Variants in ABCF1 observed in about 807,000 individuals in gnomAD.
ABCF1 encodes the protein ATP-binding cassette sub-family F member 1.
A neutral mutation model predicts 126.3 loss-of-function variants in ABCF1; 73 were observed. That is an observed-to-expected ratio of 0.58 (90% CI 0.48 to 0.70). The LOEUF (loss-of-function observed/expected upper bound fraction) is 0.70. Among genes scored for constraint, ABCF1 ranks in the 30% least tolerant of loss-of-function variants. ABCF1 has a pLI of 0.00. For missense variants in ABCF1, 786 were observed against 1,057.5 expected (o/e 0.74, Z 3.56); for synonymous variants, 345 against 396.4 (o/e 0.87, Z 1.54).
rs1214769871 is a variant in ABCF1 at position 30,584,522 on chromosome 6, A to G, written c.1347A>G (p.Thr449=). The change falls in exon 14 of 25, where the codon ACA becomes ACG. Residue 449 remains threonine (T), a synonymous_variant. Transcript: ENST00000326195. This position sits in a 1 kb window ranked among gnomAD's most constrained non-coding sequence, Gnocchi z 4.6. ...ACCCTGAAATGCAGAATCGACCCAC[A>G]CAGAAGTTCTCAGGGGGCTGGCGCA... The part of the protein sequence containing the change: ...GFDPEMQNRP[T]QKFSGGWRMR... 1 of 1,612,264 alleles carries G rather than the reference A, an allele frequency of 6.2e-7. No homozygotes were observed. The highest frequency in any genetic ancestry group is 1.3e-5 in the African/African-American group (1 of 75,016).
chr6:30,589,628 A>C, intron 20 of ABCF1, 60 bp from the exon 21 acceptor site: 1 of 1,479,358 alleles, frequency 6.8e-7, no homozygotes, highest in Admixed American at 1.9e-5. Context: ...AAGTTGATGT[A>C]TGGAGCTGCA....
Position 30,586,933 on chromosome 6 carries a change from G to A in ABCF1, c.2031+222G>A, listed in dbSNP as rs968071846. Reference sequence around the variant, plus strand: ...AGATAGAACTAGGGGGCACACCCACGTGTTTTGGTTATACAAGAAATATAT... The same window carrying A: ...AGATAGAACTAGGGGGCACACCCACATGTTTTGGTTATACAAGAAATATAT... On this transcript the variant is annotated intron_variant, in intron 20 of 24. Coordinates refer to ENST00000326195, the MANE Select transcript of ABCF1 (RefSeq NM_001025091.2). The surrounding 1 kb of genome is among the most constrained non-coding windows in gnomAD (Gnocchi z 4.9). Among the ~76,000 whole-genome samples the A allele has an allele frequency of 2.0e-5, 3 of 152,126 alleles. No homozygotes were observed. The highest frequency in any genetic ancestry group is 3.9e-4 in the East Asian group (2 of 5,192).
rs1485622771 is a variant in ABCF1, at chr6:30,573,442, TAA to T, written c.73+1884_73+1885del. On this transcript the variant is annotated intron_variant, in intron 1 of 24. Coordinates refer to ENST00000326195, the MANE Select transcript of ABCF1 (RefSeq NM_001025091.2). ...TGTGGAGAGACAACTATACTAGGAG[TAA>T]AGACACAGGCAAGTAGAGTTGAAGT... Among the ~76,000 whole-genome samples, 11 of 151,932 alleles carry T rather than the reference TAA, an allele frequency of 7.2e-5. No homozygotes were observed. In the South Asian group the frequency reaches 2.3e-3, roughly 32 times the overall value.
Position 30,585,353 on chromosome 6 carries a change from G to A in ABCF1, c.1475+10G>A, listed in dbSNP as rs138643535. The A allele has an allele frequency of 8.7e-6, 14 of 1,612,174 alleles. No individual in the cohort carries two copies. In the African/African-American group the frequency reaches 1.3e-4, roughly 15 times the overall value. ...TCATCTGGCTTAATAAGTGCGTTAC[G>A]GCCTTTGCATCATTGGTTCCCATTC... On this transcript the variant is annotated intron_variant, in intron 15 of 24. Transcript: ENST00000326195.
At chr6:30,576,958 CT>C (rs1801532686) in intron 1 of ABCF1, among the ~76,000 whole-genome samples, 1 of 152,322 alleles carries the variant, frequency 6.6e-6, no homozygotes, top group Admixed American at 6.5e-5. Context: ...ACTTCTCATA[CT>C]CCTCATTACT....
Position 30,585,655 on chromosome 6 carries a change from C to A in ABCF1, c.1573C>A (p.Arg525=). 13 of 1,613,000 alleles carry A rather than the reference C, an allele frequency of 8.1e-6. No homozygotes were observed. Among genetic ancestry groups the A allele is most frequent in the Non-Finnish European group, 1.1e-5 (13 of 1,180,018 alleles). The change falls in exon 16 of 25, where the codon CGG becomes AGG. Residue 525 remains arginine (R), a synonymous_variant. Transcript: ENST00000326195. ...CTDIIHLDAQ[R]LHYYRGNYMT... Reference sequence around the variant, plus strand: ...TGATATCATCCACCTCGATGCCCAGCGGCTCCACTACTATAGGGGCAATTA... The same window carrying A: ...TGATATCATCCACCTCGATGCCCAGAGGCTCCACTACTATAGGGGCAATTA...
intron 20 of ABCF1, among the ~76,000 whole-genome samples, chr6:30,588,561 G>A (rs941552913): frequency 1.3e-5 from 2 of 151,826 alleles, no homozygotes; most frequent in Admixed American, 6.6e-5. Flanking sequence ...TGGTTTCACC[G>A]TGTTAGCCAG....
chr6:30,586,818 G>C lies in ABCF1; in HGVS notation c.2031+107G>C. The C allele has an allele frequency of 1.6e-6, 2 of 1,219,228 alleles. No individual in the cohort carries two copies. Among genetic ancestry groups the C allele is most frequent in the Non-Finnish European group, 2.4e-6 (2 of 849,292 alleles). The allele number at this position is 1,219,228 out of a possible 1,614,324, so 75.5% of individuals were successfully genotyped here. On this transcript the variant is annotated intron_variant, in intron 20 of 24. Coordinates refer to ENST00000326195, the MANE Select transcript of ABCF1 (RefSeq NM_001025091.2). The surrounding 1 kb of genome is among the most constrained non-coding windows in gnomAD (Gnocchi z 4.9). Reference sequence around the variant, plus strand: ...TCTCGAGAATGTAGAGTTAAATACAGAACTCATGATAGATGATTCATTTCC... The same window carrying C: ...TCTCGAGAATGTAGAGTTAAATACACAACTCATGATAGATGATTCATTTCC...
Position 30,580,000 on chromosome 6 carries a change from G to A in ABCF1, c.559G>A (p.Ala187Thr). 1 of 1,612,580 alleles carries A rather than the reference G, an allele frequency of 6.2e-7. No homozygotes were observed. Among genetic ancestry groups the A allele is most frequent in the Non-Finnish European group, 8.5e-7 (1 of 1,179,800 alleles). The change falls in exon 7 of 25, where the codon GCT (alanine) becomes ACT (threonine). Residue 187 changes from alanine (A) to threonine (T), a missense_variant. Coordinates refer to ENST00000326195, the MANE Select transcript of ABCF1 (RefSeq NM_001025091.2). Reference sequence around the variant, plus strand: ...AAAGGAAGAGAAGTCAAAAGGGAAGGCTAAGGTGAGAGAGTAACTAGCAGG... The same window carrying A: ...AAAGGAAGAGAAGTCAAAAGGGAAGACTAAGGTGAGAGAGTAACTAGCAGG... ...KGKEEKSKGK[A>T]KPQNKFAALD... is the part of the protein sequence containing the mutation.
In ABCF1 at chr6:30,583,204, G is replaced by A. The variant is rs1421197024; in HGVS notation, c.915+16G>A. 6.3e-7 allele frequency: 1 copy of A among 1,593,806 alleles called. No homozygotes were observed. The highest frequency in any genetic ancestry group is 1.1e-5 in the South Asian group (1 of 90,312). ...TGACATCAAGGTAAGGTCTCAAGGG[G>A]CCCCTTCCAGTCCACTTACCTAGGG... On this transcript the variant is annotated intron_variant, in intron 10 of 24. Coordinates refer to ENST00000326195, the MANE Select transcript of ABCF1 (RefSeq NM_001025091.2). The surrounding 1 kb of genome is among the most constrained non-coding windows in gnomAD (Gnocchi z 4.1).
rs3132611 is a variant in ABCF1, at chr6:30,574,075, G to A, written c.73+2515G>A. 0.94 allele frequency among the ~76,000 whole-genome samples: 143,522 copies of A among 152,260 alleles called. 67,758 individuals carry two copies. The highest frequency in any genetic ancestry group is 1 in the East Asian group (5,170 of 5,188). On this transcript the variant is annotated intron_variant, in intron 1 of 24. Coordinates refer to ENST00000326195, the MANE Select transcript of ABCF1 (RefSeq NM_001025091.2). The surrounding 1 kb of genome is among the most constrained non-coding windows in gnomAD (Gnocchi z 4.3). ...ATACTTTCTCACAATGAAACTCTTC[G>A]GAGGCTTTTCCTGTCCCTATAATGA...
At position 30,584,616 on chromosome 6, in the gene ABCF1, C is replaced by T. The variant is rs1802014938; in HGVS notation, c.1391+50C>T. 13 of 1,531,582 alleles carry T rather than the reference C, an allele frequency of 8.5e-6. No individual in the cohort carries two copies. Among genetic ancestry groups the T allele is most frequent in the Non-Finnish European group, 8.7e-6 (10 of 1,145,294 alleles). 94.9% of individuals were successfully genotyped at this position (1,531,582 alleles called of 1,614,324 possible). A position where few individuals can be genotyped will look rare whatever the true frequency, so the allele number is the denominator to read the frequency against. On this transcript the variant is annotated intron_variant, in intron 14 of 24. Transcript: ENST00000326195. This position sits in a 1 kb window ranked among gnomAD's most constrained non-coding sequence, Gnocchi z 4.6. ...CCCTTCCAGCCTCAGACCACCGGGG[C>T]CCTTTTCCTCTTTCCCTTCTCATTC...
At chr6:30,590,440 C>T in intron 24 of ABCF1, 62 bp downstream of exon 24, 1 of 1,576,642 alleles carries the variant, frequency 6.3e-7, no homozygotes, top group Non-Finnish European at 8.6e-7. Flanking sequence ...TAGTGTCCTT[C>T]ACTACAGAAG....
Position 30,578,184 on chromosome 6 carries a change from AG to A in ABCF1, c.326del (p.Ser109MetfsTer27). 1 of 1,613,938 alleles carries A rather than the reference AG, an allele frequency of 6.2e-7. No individual in the cohort carries two copies. Among genetic ancestry groups the A allele is most frequent in the South Asian group, 1.1e-5 (1 of 91,072 alleles). On this transcript the variant is annotated frameshift_variant, in exon 4 of 25. Transcript: ENST00000326195. LOFTEE classifies it high-confidence loss of function. ...ERLKKLSVPT[S>X]DEEDEVPAPK... ...TCTTAAGAAGCTCTCAGTGCCAACC[AG>A]TGATGAGGAGGATGAAGGTAAATGA...
chr6:30,586,009 T>C lies in ABCF1; in HGVS notation c.1713+18T>C. 6.2e-7 allele frequency: 1 copy of C among 1,601,708 alleles called. No homozygotes were observed. The highest frequency in any genetic ancestry group is 8.5e-7 in the Non-Finnish European group (1 of 1,173,578). On this transcript the variant is annotated intron_variant, in intron 17 of 24. Transcript: ENST00000326195. This position sits in a 1 kb window ranked among gnomAD's most constrained non-coding sequence, Gnocchi z 4.9. ...AGCAGGCGGTGAGCACCTGAGGGACTTCTGGGCTGGGGGCCACTGTTCTCT... is the reference window on the plus strand; with the variant it reads ...AGCAGGCGGTGAGCACCTGAGGGACCTCTGGGCTGGGGGCCACTGTTCTCT...
chr6:30,589,599 TC>T, intron 20 of ABCF1, 88 bp from the exon 21 acceptor site: 1 of 1,360,882 alleles, frequency 7.3e-7, no homozygotes, highest in Non-Finnish European at 1.0e-6. Flanking sequence ...CGAGACTCCG[TC>T]TCAAAAAAAA....
Position 30,574,094 on chromosome 6 carries a change from A to G in ABCF1, c.73+2534A>G, listed in dbSNP as rs900436595. On this transcript the variant is annotated intron_variant, in intron 1 of 24. Coordinates refer to ENST00000326195, the MANE Select transcript of ABCF1 (RefSeq NM_001025091.2). The surrounding 1 kb of genome is among the most constrained non-coding windows in gnomAD (Gnocchi z 4.3). ...CTCTTCGGAGGCTTTTCCTGTCCCT[A>G]TAATGAAGTGGATAAGAGTGATTAA... 1.3e-5 allele frequency among the ~76,000 whole-genome samples: 2 copies of G among 151,972 alleles called. No individual in the cohort carries two copies. Among genetic ancestry groups the G allele is most frequent in the Admixed American group, 1.3e-4 (2 of 15,254 alleles).
rs540473247 is a variant in ABCF1, at chr6:30,581,565, G to A, written c.679-829G>A. On this transcript the variant is annotated intron_variant, in intron 8 of 24. Transcript: ENST00000326195. The stretch of plus-strand genomic sequence containing the variant: ...ACTACAGGCACGTGCCACCATGACC[G>A]GCTGATTTTTTGTGTTTTTAGTAGA... 5.9e-5 allele frequency among the ~76,000 whole-genome samples: 9 copies of A among 151,902 alleles called. No individual in the cohort carries two copies. The South Asian group carries it at 8.3e-4, about 14-fold the overall frequency.
At position 30,586,666 on chromosome 6, in the gene ABCF1, G is replaced by C. The variant is rs1396381928; in HGVS notation, c.1986G>C (p.Val662=). The change falls in exon 20 of 25, where the codon GTG becomes GTC. Residue 662 remains valine, a synonymous_variant. Transcript: ENST00000326195. This position sits in a 1 kb window ranked among gnomAD's most constrained non-coding sequence, Gnocchi z 4.9. ...TTTGCATTGTGGGCCCTAATGGTGTGGGGAAGAGTACGCTACTCCTGCTGC... is the reference window on the plus strand; with the variant it reads ...TTTGCATTGTGGGCCCTAATGGTGTCGGGAAGAGTACGCTACTCCTGCTGC... ...SRICIVGPNG[V]GKSTLLLLLT... 2 of 1,613,790 alleles carry C rather than the reference G, an allele frequency of 1.2e-6. No individual in the cohort carries two copies. Among genetic ancestry groups the C allele is most frequent in the South Asian group, 1.1e-5 (1 of 91,082 alleles).
Sources: gnomAD v4.1 joint callset for allele counts (sites outside exome capture counted in the v4.1 genomes callset) on GRCh38, gnomAD v4.1.1 for gene constraint, Gnocchi (gnomAD v3.1) non-coding constraint, MANE v1.5 for transcripts, NCBI Gene and HGNC (gene_info 2026-07-23, HGNC 2026-07-21) for gene names.